Variants in CD151 observed in about 807,000 individuals in gnomAD.
The protein encoded by CD151 is CD151 antigen.
In CD151, 20 loss-of-function variants were observed where a neutral mutation model predicts 34.2. That is an observed-to-expected ratio of 0.58 (90% confidence interval 0.41 to 0.85). CD151 has a LOEUF of 0.85. Ranked by LOEUF, CD151 falls within the 40% of genes least tolerant of loss-of-function variation. The probability of loss-of-function intolerance (pLI) is 0.00; values close to 1 mark genes in which losing one functional copy is unlikely to be tolerated. For synonymous variants in CD151, 157 were observed against 131.7 expected (o/e 1.19, Z -1.32); for missense variants, 306 against 324.5 (o/e 0.94, Z 0.44).
intron 6 of CD151, 48 bp downstream of exon 6, chr11:837,402 G>A (rs774175641): frequency 1.2e-6 from 2 of 1,611,122 alleles, no homozygotes; most frequent in East Asian, 4.5e-5. Flanking sequence ...GGGCCTCCCT[G>A]GACCTCTGCA....
chr11:836,539 TGG>T (rs56063221), intron 4 of CD151, 97 bp downstream of exon 4: 2,921 of 758,130 alleles, frequency 3.9e-3, no homozygotes, highest in Non-Finnish European at 5.0e-3. Flanking sequence ...TGTGCTCACC[TGG>T]GGGGGGGGTC....
At chr11:834,242 C>T (rs962906687) in intron 1 of CD151, among the ~76,000 whole-genome samples, 5 of 152,102 alleles carry the variant, frequency 3.3e-5, no homozygotes, top group African/African-American at 1.2e-4. Context: ...GCCTGTAATC[C>T]CAGTGACTCA....
At position 838,129 on chromosome 11, in the gene CD151, A is replaced by G. The variant is rs879027656; in HGVS notation, c.703-4A>G. 2 of 1,613,112 alleles carry G rather than the reference A, an allele frequency of 1.2e-6. No individual in the cohort carries two copies. Among genetic ancestry groups the G allele is most frequent in the Non-Finnish European group, 1.7e-6 (2 of 1,179,778 alleles). On this transcript the variant is annotated splice_polypyrimidine_tract_variant and splice_region_variant and intron_variant, in intron 8 of 8. Coordinates refer to ENST00000397420, the MANE Select transcript of CD151 (RefSeq NM_004357.5). ...TGCTTACGCCCACCCGGCTCTGCAC[A>G]CAGGTCTTTGGCATGATCTTCACGT...
At chr11:837,412 AG>A (rs750272307) in intron 6 of CD151, 47 bp from the exon 7 acceptor site, 6 of 1,611,300 alleles carry the variant, frequency 3.7e-6, no homozygotes, top group African/African-American at 2.7e-5. Context: ...GGACCTCTGC[AG>A]GAGCCTCTGG....
In CD151 at chr11:834,567, AGAG is replaced by A. The variant is rs2133955957; in HGVS notation, c.-28_-26del. ...GGGAGCTTCTGTCCACCTGTCCTGCAGAGGAGTCGTTTCCAGCCCGGCTGGTGA... is the reference window on the plus strand; with the variant it reads ...GGGAGCTTCTGTCCACCTGTCCTGCAGAGTCGTTTCCAGCCCGGCTGGTGA... On this transcript the variant is annotated 5_prime_UTR_variant, in exon 2 of 9. Coordinates refer to ENST00000397420, the MANE Select transcript of CD151 (RefSeq NM_004357.5). 1 of 152,772 alleles carries A rather than the reference AGAG, an allele frequency of 6.5e-6. No individual in the cohort carries two copies. Among genetic ancestry groups the A allele is most frequent in the African/African-American group, 2.4e-5 (1 of 41,544 alleles). 9.5% of individuals were successfully genotyped at this position (152,772 alleles called of 1,614,324 possible). A position where few individuals can be genotyped will look rare whatever the true frequency, so the allele number is the denominator to read the frequency against.
intron 2 of CD151, chr11:835,001 T>G (rs1398909362): frequency 1.3e-5 from 2 of 152,472 alleles, no homozygotes; most frequent in African/African-American, 4.8e-5. Flanking sequence ...CTGAGTGGCC[T>G]CCTCCGCCCT....
At position 836,109 on chromosome 11, in the gene CD151, G is replaced by A. The variant is rs753428268; in HGVS notation, c.40G>A (p.Val14Ile). 22 of 1,612,796 alleles carry A rather than the reference G, an allele frequency of 1.4e-5. No individual in the cohort carries two copies. The East Asian group carries it at 1.8e-4, about 13-fold the overall frequency. The change falls in exon 3 of 9, where the codon GTT becomes ATT. Residue 14 changes from valine to isoleucine, a missense_variant. Coordinates refer to ENST00000397420, the MANE Select transcript of CD151 (RefSeq NM_004357.5). ...CGAGAAGAAGACAACATGTGGCACC[G>A]TTTGCCTCAAGTACCTGCTGTTTAC... Reference protein sequence around the residue: ...FNEKKTTCGTVCLKYLLFTYN... With the variant: ...FNEKKTTCGTICLKYLLFTYN...
intron 2 of CD151, chr11:835,806 G>A: frequency 2.4e-6 from 1 of 417,196 alleles, no homozygotes; most frequent in South Asian, 2.5e-5. Context: ...TCCTGCCTCA[G>A]CCTCCCAAGT....
rs1454916743 is a variant in CD151, at chr11:838,294, A to G, written c.*102A>G. 1.0e-6 allele frequency: 1 copy of G among 996,016 alleles called. No homozygotes were observed. The allele number at this position is 996,016 out of a possible 1,614,324, so 61.7% of individuals were successfully genotyped here. On this transcript the variant is annotated 3_prime_UTR_variant, in exon 9 of 9. Coordinates refer to ENST00000397420, the MANE Select transcript of CD151 (RefSeq NM_004357.5). The stretch of plus-strand genomic sequence containing the variant: ...ATGACACCCACCCTGTGCCATCACC[A>G]TAACCTCTGGGGACCCCAACCTCAG...
Position 836,343 on chromosome 11 carries a change from C to T in CD151, c.177C>T (p.Ala59=). 6.2e-7 allele frequency: 1 copy of T among 1,612,732 alleles called. No individual in the cohort carries two copies. The highest frequency in any genetic ancestry group is 1.1e-5 in the South Asian group (1 of 91,082). ...TGCTGGCCTCAGGCACCTACCTGGCCACAGCCTACATCCTGGTGGTGGCGG... is the reference window on the plus strand; with the variant it reads ...TGCTGGCCTCAGGCACCTACCTGGCTACAGCCTACATCCTGGTGGTGGCGG... ...ISLLASGTYL[A]TAYILVVAGT... The change falls in exon 4 of 9, where the codon GCC becomes GCT. Residue 59 remains alanine, a synonymous_variant. Coordinates refer to ENST00000397420, the MANE Select transcript of CD151 (RefSeq NM_004357.5).
chr11:834,006 T>C (rs1269907051), intron 1 of CD151: 1 of 152,194 alleles, frequency 6.6e-6, no homozygotes, highest in Non-Finnish European at 1.5e-5. Context: ...TGCCGCTGTT[T>C]GTGGGGGAAG....
chr11:838,346 G>C lies in CD151; in HGVS notation c.*154G>C, dbSNP rs111781073. ...GGCAGCTTCAAGTGCCTTTTGCTGC[G>C]CACCAATGCCCAGCAGGGGAGGTGA... On this transcript the variant is annotated 3_prime_UTR_variant, in exon 9 of 9. Transcript: ENST00000397420. 1.9e-4 allele frequency: 119 copies of C among 629,342 alleles called. 3 individuals carry two copies. In the South Asian group the frequency reaches 2.2e-3, roughly 12 times the overall value. 39.0% of individuals were successfully genotyped at this position (629,342 alleles called of 1,614,324 possible).
In CD151 at chr11:836,376, C is replaced by G. The variant is rs142774509; in HGVS notation, c.210C>G (p.Val70=). The change falls in exon 4 of 9, where the codon GTC becomes GTG. Residue 70 remains valine (V), a synonymous_variant. Coordinates refer to ENST00000397420, the MANE Select transcript of CD151 (RefSeq NM_004357.5). ...ACATCCTGGTGGTGGCGGGCACTGT[C>G]GTCATGGTGACTGGGGTCTTGGGCT... ...TAYILVVAGT[V]VMVTGVLGCC... 1 of 1,612,296 alleles carries G rather than the reference C, an allele frequency of 6.2e-7. No homozygotes were observed. The highest frequency in any genetic ancestry group is 1.3e-5 in the African/African-American group (1 of 74,922).
At chr11:836,011 C>T (rs1266132167) in intron 2 of CD151, 52 bp from the exon 3 acceptor site, 1 of 1,093,428 alleles carries the variant, frequency 9.1e-7, no homozygotes, top group Non-Finnish European at 1.4e-6. Flanking sequence ...ATCCGTCTCC[C>T]AGTCAGGGGC....
At chr11:836,981 G>A in intron 5 of CD151, 138 bp downstream of exon 5, 1 of 777,290 alleles carries the variant, frequency 1.3e-6, no homozygotes. Context: ...GGGCCCTGGA[G>A]ATGGGGTCTA....
At chr11:838,112 C>T in intron 8 of CD151, 21 bp from the exon 9 acceptor site, 3 of 1,611,958 alleles carry the variant, frequency 1.9e-6, no homozygotes, top group African/African-American at 2.7e-5. Context: ...TCTGCTTACG[C>T]CCACCCGGCT....
chr11:833,070 G>GGCGAGGGGGGCGAGGGGGGCGAGGGGC (rs1846575467), intron 1 of CD151, 44 bp downstream of exon 1: 7 of 130,386 alleles, frequency 5.4e-5, no homozygotes, highest in Non-Finnish European at 1.0e-4. Context: ...GGGCGAGCGG[G>GGCGAGGGGGGCGAGGGGGGCGAGGGGC]GCGAGGGGGG....
rs778093336 is a variant in CD151, at chr11:837,374, A to G, written c.456+20A>G. Reference sequence around the variant, plus strand: ...CAGGAGGTGGGTGGGTGGTGCTGGGAGGGCGCGTGCATCCCCAGGGCCTCC... The same window carrying G: ...CAGGAGGTGGGTGGGTGGTGCTGGGGGGGCGCGTGCATCCCCAGGGCCTCC... On this transcript the variant is annotated intron_variant, in intron 6 of 8. Transcript: ENST00000397420. 29 of 1,610,162 alleles carry G rather than the reference A, an allele frequency of 1.8e-5. No homozygotes were observed. Among genetic ancestry groups the G allele is most frequent in the Non-Finnish European group, 2.5e-5 (29 of 1,178,062 alleles).
In CD151 at chr11:837,515, G is replaced by A. The variant is rs750915626; in HGVS notation, c.512G>A (p.Arg171His). 6.2e-6 allele frequency: 10 copies of A among 1,612,608 alleles called. No individual in the cohort carries two copies. The Admixed American group carries it at 8.3e-5, about 13-fold the overall frequency. Residue 171 changes from arginine to histidine, a missense_variant, in exon 7 of 9, where the codon CGC becomes CAC. Arg to His is a conservative substitution (Grantham distance 29, BLOSUM62 0). Transcript: ENST00000397420. ...SQDWRDSEWI[R>H]SQEAGGRVVP... ...GACTGGCGAGACAGTGAGTGGATCC[G>A]CTCACAGGAGGCCGGTGGCCGTGTG...
Sources: gnomAD v4.1 joint callset for allele counts (sites outside exome capture counted in the v4.1 genomes callset) on GRCh38, gnomAD v4.1.1 for gene constraint, MANE v1.5 for transcripts, NCBI Gene and HGNC (gene_info 2026-07-23, HGNC 2026-07-21) for gene names.